The following RELN variants were observed in gnomAD, a reference collection of about 807,000 sequenced individuals.
RELN encodes the protein reelin.
A neutral mutation model predicts 427.6 loss-of-function variants in RELN; 108 were observed. That is an observed-to-expected ratio of 0.25 (90% confidence interval 0.22 to 0.30). The LOEUF is 0.30. RELN is among the 10% of genes least tolerant of loss of function. The pLI, the probability that RELN is intolerant of heterozygous loss-of-function variation, is 1.00. For missense variants in RELN, 3,715 were observed against 4,302.8 expected (o/e 0.86, Z 3.82); for synonymous variants, 1,524 against 1,513.4 (o/e 1.01, Z -0.16).
intron 20 of RELN, among the ~76,000 whole-genome samples, chr7:103,624,960 C>A (rs965080043): frequency 6.6e-6 from 1 of 152,158 alleles, no homozygotes; most frequent in Non-Finnish European, 1.5e-5. Flanking sequence ...AGAGGCCCTT[C>A]GAACATTTCT....
chr7:103,933,813 G>C (rs771132900), intron 1 of RELN, among the ~76,000 whole-genome samples: 58 of 152,050 alleles, frequency 3.8e-4, no homozygotes, highest in Non-Finnish European at 7.1e-4. Flanking sequence ...TTCTAACCAC[G>C]TGGCCTCATG....
chr7:103,721,491 T>C (rs1472284607), intron 8 of RELN, among the ~76,000 whole-genome samples: 1 of 152,126 alleles, frequency 6.6e-6, no homozygotes, highest in East Asian at 1.9e-4. Flanking sequence ...TTACCTCCTC[T>C]TCTTGGTACT....
At chr7:103,477,281 C>G (rs1203635899) in intron 64 of RELN, among the ~76,000 whole-genome samples, 2 of 152,084 alleles carry the variant, frequency 1.3e-5, no homozygotes, top group Non-Finnish European at 2.9e-5. Flanking sequence ...AATCTTAGTT[C>G]ATTTATTATG....
intron 2 of RELN, among the ~76,000 whole-genome samples, chr7:103,875,331 T>C (rs544032325): frequency 1.6e-3 from 241 of 151,194 alleles, no homozygotes; most frequent in Non-Finnish European, 2.8e-3. Context: ...CCAAAAGCAA[T>C]GGCAACAAAA....
chr7:103,871,562 A>C (rs2116526958), intron 2 of RELN, among the ~76,000 whole-genome samples: 1 of 152,224 alleles, frequency 6.6e-6, no homozygotes, highest in South Asian at 2.1e-4. Context: ...ACTTTGCCTC[A>C]GTGACTTAGT....
intron 2 of RELN, among the ~76,000 whole-genome samples, chr7:103,853,474 T>C (rs1793872534): frequency 6.6e-6 from 1 of 151,972 alleles, no homozygotes; most frequent in Non-Finnish European, 1.5e-5. Context: ...AGGCTTTATG[T>C]AGAAAATATT....
intron 2 of RELN, among the ~76,000 whole-genome samples, chr7:103,908,694 T>C (rs984447418): frequency 4.6e-5 from 7 of 152,334 alleles, no homozygotes; most frequent in African/African-American, 1.7e-4. Flanking sequence ...TATTTGGAAG[T>C]TGGGAAATAT....
intron 64 of RELN, among the ~76,000 whole-genome samples, chr7:103,473,505 T>A (rs1246581213): frequency 6.6e-6 from 1 of 152,194 alleles, no homozygotes; most frequent in Non-Finnish European, 1.5e-5. Flanking sequence ...GGGTTATATT[T>A]TATAAACGTG....
At chr7:103,567,791 T>TTA (rs969373146) in intron 31 of RELN, among the ~76,000 whole-genome samples, 188 of 148,378 alleles carry the variant, frequency 1.3e-3, no homozygotes, top group African/African-American at 3.1e-3. Flanking sequence ...TATATATATT[T>TTA]TATATATATA....
At chr7:103,805,696 C>T (rs1255044253) in intron 3 of RELN, among the ~76,000 whole-genome samples, 1 of 152,196 alleles carries the variant, frequency 6.6e-6, no homozygotes, top group African/African-American at 2.4e-5. Context: ...TGCTGGGTCA[C>T]AGGCTCTTTT....
In RELN at chr7:103,864,302, C is replaced by T. The variant is rs76255030; in HGVS notation, c.338-30630G>A. On this transcript the variant is annotated intron_variant, in intron 2 of 64. Transcript: ENST00000428762. ...GTTTTTTTTAATTGTAGTAAGAACA[C>T]TTAATACGAGGTCCACCCTCTTTAA... Among the ~76,000 whole-genome samples the T allele has an allele frequency of 3.9e-5, 6 of 152,272 alleles. No individual in the cohort carries two copies. The South Asian group carries it at 1.2e-3, about 32-fold the overall frequency.
chr7:103,950,269 T>G (rs1431459117), intron 1 of RELN, among the ~76,000 whole-genome samples: 1 of 152,212 alleles, frequency 6.6e-6, no homozygotes, highest in African/African-American at 2.4e-5. Flanking sequence ...GAATTTAACA[T>G]ATGAATTTGG....
At chr7:103,482,770 T>C in intron 63 of RELN, 103 bp downstream of exon 63, 1 of 1,583,424 alleles carries the variant, frequency 6.3e-7, no homozygotes, top group Admixed American at 1.8e-5. Flanking sequence ...CTGTGGGGGC[T>C]TCTCATCAAA....
chr7:103,934,106 C>T (rs1333886806), intron 1 of RELN, among the ~76,000 whole-genome samples: 2 of 129,612 alleles, frequency 1.5e-5, no homozygotes, highest in African/African-American at 6.6e-5. Context: ...CTTTTTAGGA[C>T]AGTTGGTGAC....
intron 12 of RELN, among the ~76,000 whole-genome samples, chr7:103,658,701 T>C (rs1283762027): frequency 6.6e-6 from 1 of 152,064 alleles, no homozygotes; most frequent in Non-Finnish European, 1.5e-5. Flanking sequence ...TTTTTATTTT[T>C]ATTTTTAACT....
At chr7:103,752,217 G>A (rs1302323191) in intron 5 of RELN, among the ~76,000 whole-genome samples, 2 of 152,280 alleles carry the variant, frequency 1.3e-5, no homozygotes, top group East Asian at 1.9e-4. Flanking sequence ...GAGGCACAGA[G>A]AGGTTAAGTA....
intron 16 of RELN, among the ~76,000 whole-genome samples, chr7:103,643,712 A>G (rs951263186): frequency 1.3e-5 from 2 of 152,072 alleles, no homozygotes; most frequent in African/African-American, 4.8e-5. Flanking sequence ...TAGAAACCTT[A>G]TAAGCCAGAA....
chr7:103,498,878 A>G (rs955555187), intron 53 of RELN, among the ~76,000 whole-genome samples: 2 of 152,248 alleles, frequency 1.3e-5, no homozygotes, highest in Admixed American at 6.5e-5. Flanking sequence ...TATATAGTAT[A>G]TAAAAGTATT....
chr7:103,770,090 AT>A (rs1791527267), intron 4 of RELN, among the ~76,000 whole-genome samples: 2 of 151,770 alleles, frequency 1.3e-5, no homozygotes, highest in Non-Finnish European at 2.9e-5. Context: ...TTATTTATTT[AT>A]TTATTTATTT....
Sources: gnomAD v4.1 joint callset for allele counts (sites outside exome capture counted in the v4.1 genomes callset) on GRCh38, gnomAD v4.1.1 for gene constraint, MANE v1.5 for transcripts, NCBI Gene and HGNC (gene_info 2026-07-23, HGNC 2026-07-21) for gene names.